Variants in TFIP11 observed in about 807,000 individuals in gnomAD.
TFIP11 encodes tuftelin interacting protein 11.
A neutral mutation model predicts 96.8 loss-of-function variants in TFIP11; 86 were observed. The observed-to-expected ratio is 0.89, with a 90% CI of 0.75 to 1.06. The LOEUF is 1.06. Ranked by LOEUF, TFIP11 falls within the 50% of genes least tolerant of loss-of-function variation. The pLI, the probability that TFIP11 is intolerant of heterozygous loss-of-function variation, is 0.00. For missense variants in TFIP11, 881 were observed against 1,076.7 expected (o/e 0.82, Z 2.54); for synonymous variants, 405 against 395.2 (o/e 1.02, Z -0.29).
At chr22:26,498,768 T>G in intron 10 of TFIP11, 101 bp downstream of exon 10, 1 of 855,886 alleles carries the variant, frequency 1.2e-6, no homozygotes. Context: ...GAGCAGAGAA[T>G]TAATCAAGGC....
intron 11 of TFIP11, 129 bp from the exon 12 acceptor site, chr22:26,496,445 C>G (rs1181217526): frequency 7.9e-7 from 1 of 1,266,046 alleles, no homozygotes. Context: ...GTCCTTTGTA[C>G]ATTGCCAAAC....
At chr22:26,506,601 G>C in intron 5 of TFIP11, 142 bp from the exon 6 acceptor site, 2 of 1,288,080 alleles carry the variant, frequency 1.6e-6, no homozygotes, top group Admixed American at 2.5e-5. Context: ...GTGTGATAAC[G>C]TGTCAGGAAG....
chr22:26,500,915 G>A (rs1000429304), intron 8 of TFIP11, among the ~76,000 whole-genome samples: 3 of 124,626 alleles, frequency 2.4e-5, no homozygotes, highest in Admixed American at 2.1e-4. Context: ...ACGGAGTCTC[G>A]CTCTGTCCCC....
At chr22:26,504,841 C>T (rs981362556) in intron 6 of TFIP11, among the ~76,000 whole-genome samples, 7 of 152,012 alleles carry the variant, frequency 4.6e-5, no homozygotes, top group African/African-American at 1.2e-4. Context: ...TTTGGGAGGC[C>T]GAGGAGGATG....
chr22:26,503,246 G>C (rs886550194), intron 7 of TFIP11, among the ~76,000 whole-genome samples: 1 of 151,844 alleles, frequency 6.6e-6, no homozygotes. Flanking sequence ...CCCTCCCACC[G>C]CAAGGGCTTC....
chr22:26,503,539 A>G (rs1923040162), intron 7 of TFIP11, 127 bp downstream of exon 7: 2 of 1,210,318 alleles, frequency 1.7e-6, no homozygotes, highest in Non-Finnish European at 2.3e-6. Flanking sequence ...CCTAGCCTTC[A>G]GCCCAGTACC....
At position 26,499,428 on chromosome 22, in the gene TFIP11, G is replaced by T. The variant is rs948963361; in HGVS notation, c.1005C>A (p.Ile335=). The change falls in exon 9 of 15, where the codon ATC becomes ATA. Residue 335 remains isoleucine (I), a synonymous_variant. Transcript: ENST00000407690. Reference sequence around the variant, plus strand: ...ACTGTAGCTGCCGGTCATTCTGGATGATCTCCTGCTCCGTGAGGTCGATGA... The same window carrying T: ...ACTGTAGCTGCCGGTCATTCTGGATTATCTCCTGCTCCGTGAGGTCGATGA... ...QLLIDLTEQE[I]IQNDRQLQYE... is the part of the protein sequence containing the mutation. 2 of 1,614,218 alleles carry T rather than the reference G, an allele frequency of 1.2e-6. No homozygotes were observed. Among genetic ancestry groups the T allele is most frequent in the Non-Finnish European group, 1.7e-6 (2 of 1,180,048 alleles).
chr22:26,493,079 T>A (rs1921426725), intron 14 of TFIP11: 1 of 151,680 alleles, frequency 6.6e-6, no homozygotes, highest in South Asian at 2.1e-4. Context: ...TAGGCTGGAG[T>A]GCAGTGCTTG....
chr22:26,496,346 G>A, intron 11 of TFIP11, 30 bp from the exon 12 acceptor site: 2 of 1,565,706 alleles, frequency 1.3e-6, no homozygotes, highest in Non-Finnish European at 8.7e-7. Flanking sequence ...AACAGTTCAT[G>A]TCGCCTGTGG....
At chr22:26,509,192 C>A (rs1158547759) in intron 4 of TFIP11, among the ~76,000 whole-genome samples, 1 of 152,186 alleles carries the variant, frequency 6.6e-6, no homozygotes, top group Non-Finnish European at 1.5e-5. Flanking sequence ...ACTATGCTAC[C>A]CTTCCCCCTC....
chr22:26,496,187 G>A lies in TFIP11; in HGVS notation c.1735C>T (p.Gln579Ter). 1 of 1,613,972 alleles carries A rather than the reference G, an allele frequency of 6.2e-7. No individual in the cohort carries two copies. Among genetic ancestry groups the A allele is most frequent in the Non-Finnish European group, 8.5e-7 (1 of 1,180,038 alleles). ...PIRSKLSSAL[Q>*]KWHPSDSSAK... is the part of the protein sequence containing the mutation. The stretch of plus-strand genomic sequence containing the variant: ...GAGGAGTCGCTGGGGTGCCACTTCT[G>A]CAGGGCGCTGGACAGCTTACTACGG... The change falls in exon 12 of 15, where the codon CAG becomes TAG. Residue 579 changes from glutamine (Q) to a stop codon, truncating the protein, a stop_gained. Coordinates refer to ENST00000407690, the MANE Select transcript of TFIP11 (RefSeq NM_012143.4). LOFTEE classifies it high-confidence loss of function.
In TFIP11 at chr22:26,494,802, G is replaced by A. The variant is rs760800786; in HGVS notation, c.1987C>T (p.Leu663Phe). 2 of 1,614,016 alleles carry A rather than the reference G, an allele frequency of 1.2e-6. No individual in the cohort carries two copies. Among genetic ancestry groups the A allele is most frequent in the African/African-American group, 1.3e-5 (1 of 74,910 alleles). ...CCAAGCAAAACAAAGTGTACCTGAA[G>A]CCACTTGGGGAAGAAGTGCTTTTCA... ...LLEKHFFPKWLQVLCSWLSNS... is the reference protein window; with the variant it reads ...LLEKHFFPKWFQVLCSWLSNS... Residue 663 changes from leucine (L) to phenylalanine (F), a missense_variant, in exon 13 of 15, where the codon CTT becomes TTT. Coordinates refer to ENST00000407690, the MANE Select transcript of TFIP11 (RefSeq NM_012143.4).
chr22:26,499,656 G>GT, intron 8 of TFIP11, 25 bp from the exon 9 acceptor site: 1 of 1,583,252 alleles, frequency 6.3e-7, no homozygotes, highest in South Asian at 1.2e-5. Context: ...AGGGATGAAG[G>GT]TTAACACCGC....
At chr22:26,511,408 C>A (rs1924040102) in intron 2 of TFIP11, 1 of 152,204 alleles carries the variant, frequency 6.6e-6, no homozygotes. Flanking sequence ...TTGGCAACAC[C>A]CACATAGTCA....
chr22:26,498,272 G>A (rs927965582), intron 10 of TFIP11, among the ~76,000 whole-genome samples: 9 of 152,214 alleles, frequency 5.9e-5, no homozygotes, highest in Admixed American at 5.2e-4. Context: ...ACCAGGCACG[G>A]TGGCTCACGC....
chr22:26,502,049 A>C lies in TFIP11; in HGVS notation c.652T>G (p.Phe218Val). 1 of 1,613,912 alleles carries C rather than the reference A, an allele frequency of 6.2e-7. No individual in the cohort carries two copies. Among genetic ancestry groups the C allele is most frequent in the East Asian group, 2.2e-5 (1 of 44,810 alleles). ...CTCCACTGGCTCAGCTCCTTCTGAAACTCCTGAACCAGAAGAATACAGTCA... is the reference window on the plus strand; with the variant it reads ...CTCCACTGGCTCAGCTCCTTCTGAACCTCCTGAACCAGAAGAATACAGTCA... ...VDSEEEAEEE[F>V]QKELSQWRKD... Residue 218 changes from phenylalanine (F) to valine (V), a missense_variant, in exon 8 of 15, where the codon TTT becomes GTT. Phe to Val is a conservative substitution (Grantham distance 50). Coordinates refer to ENST00000407690, the MANE Select transcript of TFIP11 (RefSeq NM_012143.4).
rs771632527 is a variant in TFIP11, at chr22:26,506,322, G to A, written c.501C>T (p.Gly167=). The A allele has an allele frequency of 3.1e-6, 5 of 1,607,970 alleles. No individual in the cohort carries two copies. The highest frequency in any genetic ancestry group is 3.4e-5 in the Admixed American group (2 of 58,156). ...LQKMGYVPGR[G]LGKNAQGIIN... is the part of the protein sequence containing the mutation. ...CAATACCTTGTGCATTCTTCCCGAG[G>A]CCCCGTCCAGGGACGTAGCCCATCT... Residue 167 remains glycine (G), a synonymous_variant, in exon 6 of 15, where the codon GGC becomes GGT. Coordinates refer to ENST00000407690, the MANE Select transcript of TFIP11 (RefSeq NM_012143.4).
intron 14 of TFIP11, 116 bp from the exon 15 acceptor site, chr22:26,492,484 C>T: frequency 3.4e-6 from 3 of 882,768 alleles, no homozygotes; most frequent in Non-Finnish European, 1.8e-6. Flanking sequence ...CACTGAAGGG[C>T]AGCTCTGCCT....
At position 26,491,638 on chromosome 22, in the gene TFIP11, G is replaced by A. The variant is rs1410379774; in HGVS notation, c.*375C>T. 1.2e-6 allele frequency: 2 copies of A among 1,613,266 alleles called. No homozygotes were observed. The highest frequency in any genetic ancestry group is 3.3e-5 in the Admixed American group (2 of 60,014). Reference sequence around the variant, plus strand: ...GACTGTGAGGACCTTGAAATCATCAGGAACAAGAGAGAAGATCCTTCTGCT... The same window carrying A: ...GACTGTGAGGACCTTGAAATCATCAAGAACAAGAGAGAAGATCCTTCTGCT... On this transcript the variant is annotated 3_prime_UTR_variant, in exon 15 of 15. Coordinates refer to ENST00000407690, the MANE Select transcript of TFIP11 (RefSeq NM_012143.4).
Sources: allele counts gnomAD v4.1 joint callset (sites outside exome capture counted in the v4.1 genomes callset), GRCh38; gene constraint gnomAD v4.1.1; transcripts MANE v1.5; gene names NCBI Gene and HGNC (gene_info 2026-07-23, HGNC 2026-07-21).